Variants in SLC37A3 observed in about 807,000 individuals in gnomAD.
SLC37A3 encodes the protein solute carrier family 37 member 3.
Under a neutral mutation model 67.1 loss-of-function variants are expected in SLC37A3, and 51 were observed. The ratio of observed to expected loss-of-function variants is 0.76; its 90% CI spans 0.61 to 0.96. The LOEUF is 0.96. Ranked by LOEUF, SLC37A3 falls within the 40% of genes least tolerant of loss-of-function variation. The pLI is 0.00. For synonymous variants in SLC37A3, 214 were observed against 231.4 expected (o/e 0.92, Z 0.68); for missense variants, 508 against 603.0 (o/e 0.84, Z 1.65).
intron 5 of SLC37A3, among the ~76,000 whole-genome samples, chr7:140,362,422 G>C (rs1226161679): frequency 1.3e-4 from 17 of 132,864 alleles, no homozygotes; most frequent in African/African-American, 2.6e-4. Flanking sequence ...GGGAGGTGGG[G>C]GGGGGGGTCA....
chr7:140,349,872 C>T (rs1796723835), intron 9 of SLC37A3, among the ~76,000 whole-genome samples: 7 of 152,200 alleles, frequency 4.6e-5, no homozygotes, highest in Admixed American at 2.6e-4. Context: ...CAGCAGAGTA[C>T]TTTAAAAACC....
intron 11 of SLC37A3, 66 bp from the exon 12 acceptor site, chr7:140,345,329 C>G (rs375610742): frequency 8.0e-7 from 1 of 1,256,686 alleles, no homozygotes; most frequent in African/African-American, 1.5e-5. Context: ...CTCTGCCAAC[C>G]GTACGCGAAG....
chr7:140,345,265 T>C lies in SLC37A3; in HGVS notation c.1127-2A>G, dbSNP rs1173408256. ...TGATGGACTTATCATTTGGAGAACC[T>C]GTGAGGGAAGACACAGACAAACCAT... On this transcript the variant is annotated splice_acceptor_variant, in intron 11 of 14. Transcript: ENST00000326232. LOFTEE classifies it high-confidence loss of function. The C allele has an allele frequency of 6.2e-7, 1 of 1,613,688 alleles. No individual in the cohort carries two copies. The highest frequency in any genetic ancestry group is 1.7e-5 in the Admixed American group (1 of 60,000).
Position 140,352,084 on chromosome 7 carries a change from G to A in SLC37A3, c.681C>T (p.Leu227=). 4.3e-6 allele frequency: 7 copies of A among 1,612,734 alleles called. No homozygotes were observed. Among genetic ancestry groups the A allele is most frequent in the Non-Finnish European group, 5.9e-6 (7 of 1,179,578 alleles). Residue 227 remains leucine, a synonymous_variant, in exon 8 of 15, where the codon CTC becomes CTT. Coordinates refer to ENST00000326232, the MANE Select transcript of SLC37A3 (RefSeq NM_207113.3). Reference sequence around the variant, plus strand: ...CACCAATTTCTTCTGGTGACACCAGGAGTCCAAAGAAGATAACGATCCCAC... The same window carrying A: ...CACCAATTTCTTCTGGTGACACCAGAAGTCCAAAGAAGATAACGATCCCAC... ...FAGGIVIFFG[L]LVSPEEIGLS... is the part of the protein sequence containing the mutation.
intron 8 of SLC37A3, chr7:140,351,824 A>T: frequency 1.6e-6 from 1 of 614,574 alleles, no homozygotes; most frequent in South Asian, 1.8e-5. Flanking sequence ...TAATTTGCAA[A>T]TGCGAAGATT....
At chr7:140,375,606 T>C (rs1798002876) in intron 3 of SLC37A3, among the ~76,000 whole-genome samples, 1 of 152,142 alleles carries the variant, frequency 6.6e-6, no homozygotes, top group Non-Finnish European at 1.5e-5. Context: ...GGTTCAAGGG[T>C]GGCACATCTC....
intron 5 of SLC37A3, among the ~76,000 whole-genome samples, chr7:140,361,567 G>A (rs1394654995): frequency 1.7e-5 from 2 of 119,594 alleles, no homozygotes; most frequent in South Asian, 6.3e-4. Flanking sequence ...CTCTCTCCAC[G>A]GTCTCCTTCC....
At chr7:140,362,495 A>C (rs1797371761) in intron 5 of SLC37A3, among the ~76,000 whole-genome samples, 1 of 125,344 alleles carries the variant, frequency 8.0e-6, no homozygotes, top group African/African-American at 3.1e-5. Context: ...GGCCGCCCCT[A>C]CCGGGAAGTG....
intron 7 of SLC37A3, 50 bp downstream of exon 7, chr7:140,355,618 G>A: frequency 6.8e-7 from 1 of 1,479,512 alleles, no homozygotes; most frequent in Non-Finnish European, 9.4e-7. Context: ...CAATACACAT[G>A]TGCACACAGA....
intron 1 of SLC37A3, among the ~76,000 whole-genome samples, chr7:140,384,701 A>G (rs1798383839): frequency 6.6e-6 from 1 of 151,740 alleles, no homozygotes; most frequent in Admixed American, 6.6e-5. Flanking sequence ...CCTGTACCAC[A>G]GGGTAAGACC....
rs1332421828 is a variant in SLC37A3 at position 140,335,211 on chromosome 7, C to T, written c.*201G>A. ...ACATTCATGAAACAACAGCAAAAAT[C>T]ATCAACAGTAATTCCTGTAGTGTAG... On this transcript the variant is annotated 3_prime_UTR_variant, in exon 15 of 15. Coordinates refer to ENST00000326232, the MANE Select transcript of SLC37A3 (RefSeq NM_207113.3). The T allele has an allele frequency of 6.3e-6, 10 of 1,598,184 alleles. No homozygotes were observed. The highest frequency in any genetic ancestry group is 7.7e-6 in the Non-Finnish European group (9 of 1,169,262).
intron 5 of SLC37A3, among the ~76,000 whole-genome samples, chr7:140,362,759 C>A (rs1391381430): frequency 1.1e-5 from 1 of 92,664 alleles, no homozygotes; most frequent in Non-Finnish European, 2.3e-5. Context: ...CCAGCCGCCC[C>A]GTCCGGGAGG....
chr7:140,345,952 A>T lies in SLC37A3; in HGVS notation c.1043T>A (p.Phe348Tyr). ...TCTCTTCTGTAGTACATCAGAGATG[A>T]AGCCTTGCAAAGTTCCACCTTCAAG... Reference protein sequence around the residue: ...GGIIGGTLQGFISDVLQKRAP... With the variant: ...GGIIGGTLQGYISDVLQKRAP... Residue 348 changes from phenylalanine to tyrosine, a missense_variant, in exon 11 of 15, where the codon TTC (phenylalanine) becomes TAC (tyrosine). Phe to Tyr is a conservative substitution (Grantham distance 22, BLOSUM62 3). Transcript: ENST00000326232. The T allele has an allele frequency of 1.2e-6, 2 of 1,613,730 alleles. No individual in the cohort carries two copies. The highest frequency in any genetic ancestry group is 1.7e-6 in the Non-Finnish European group (2 of 1,179,788).
chr7:140,363,176 A>AC (rs1162910336), intron 5 of SLC37A3, among the ~76,000 whole-genome samples: 1 of 82,116 alleles, frequency 1.2e-5, no homozygotes, highest in Admixed American at 1.1e-4. Flanking sequence ...CCCGGCCACG[A>AC]CCCCGTCTGG....
intron 13 of SLC37A3, among the ~76,000 whole-genome samples, chr7:140,340,681 C>T (rs1796326436): frequency 1.3e-5 from 2 of 150,944 alleles, no homozygotes; most frequent in African/African-American, 4.9e-5. Flanking sequence ...GTAATCCTAG[C>T]ACTTTGGGAG....
chr7:140,345,554 C>A (rs1219761121), intron 11 of SLC37A3, among the ~76,000 whole-genome samples: 3 of 152,176 alleles, frequency 2.0e-5, no homozygotes, highest in Non-Finnish European at 2.9e-5. Context: ...GCTTTTGAAA[C>A]CTGTTCCCTT....
chr7:140,369,280 A>G (rs1379659401), intron 4 of SLC37A3, among the ~76,000 whole-genome samples: 1 of 152,050 alleles, frequency 6.6e-6, no homozygotes, highest in Non-Finnish European at 1.5e-5. Flanking sequence ...ACCACCTTCA[A>G]ATATACTCTA....
At chr7:140,363,169 G>A (rs1476571946) in intron 5 of SLC37A3, among the ~76,000 whole-genome samples, 5 of 85,602 alleles carry the variant, frequency 5.8e-5, no homozygotes, top group East Asian at 3.7e-4. Flanking sequence ...CCCTCTGCCC[G>A]GCCACGACCC....
At chr7:140,347,263 G>GA (rs1377104548) in intron 10 of SLC37A3, among the ~76,000 whole-genome samples, 17 of 138,190 alleles carry the variant, frequency 1.2e-4, no homozygotes, top group Admixed American at 1.4e-4. Context: ...AAAAAAAAAA[G>GA]AAAAAAAAAA....
Sources: allele counts gnomAD v4.1 joint callset (sites outside exome capture counted in the v4.1 genomes callset), GRCh38; gene constraint gnomAD v4.1.1; transcripts MANE v1.5; gene names NCBI Gene and HGNC (gene_info 2026-07-23, HGNC 2026-07-21).